TSPAN18: variants seen among roughly 807,000 people sequenced by gnomAD.
TSPAN18 encodes the protein tetraspanin-18.
A neutral mutation model predicts 27.3 loss-of-function variants in TSPAN18; 14 were observed. The ratio of observed to expected loss-of-function variants is 0.51; its 90% CI spans 0.34 to 0.80. TSPAN18 has a LOEUF of 0.80. Ranked by LOEUF, TSPAN18 falls within the 30% of genes least tolerant of loss-of-function variation. The pLI is 0.01. For missense variants in TSPAN18, 268 were observed against 323.9 expected (o/e 0.83, Z 1.32); for synonymous variants, 143 against 136.5 (o/e 1.05, Z -0.33).
At chr11:44,731,023 T>C (rs1854642140) in intron 1 of TSPAN18, among the ~76,000 whole-genome samples, 2 of 152,264 alleles carry the variant, frequency 1.3e-5, no homozygotes, top group African/African-American at 4.8e-5. Context: ...TGTCTTAAGA[T>C]TCAGCTCTTG....
chr11:44,827,599 G>A (rs780438310), intron 2 of TSPAN18, among the ~76,000 whole-genome samples: 5 of 152,204 alleles, frequency 3.3e-5, no homozygotes, highest in African/African-American at 4.8e-5. Flanking sequence ...GGACCTGGCT[G>A]GAATAAAGCC....
chr11:44,881,479 A>G (rs1242916514), intron 3 of TSPAN18, among the ~76,000 whole-genome samples: 1 of 152,266 alleles, frequency 6.6e-6, no homozygotes, highest in East Asian at 1.9e-4. Flanking sequence ...AAGAACTCCA[A>G]CATCCCTATT....
intron 2 of TSPAN18, among the ~76,000 whole-genome samples, chr11:44,766,567 C>T (rs1855572050): frequency 6.6e-6 from 1 of 152,180 alleles, no homozygotes; most frequent in Non-Finnish European, 1.5e-5. Flanking sequence ...GGGCCTCAAG[C>T]CTCGGTGTAT....
At chr11:44,906,029 GCAA>G (rs760843650) in intron 3 of TSPAN18, among the ~76,000 whole-genome samples, 25 of 152,222 alleles carry the variant, frequency 1.6e-4, no homozygotes, top group Non-Finnish European at 1.3e-4. Flanking sequence ...CTGCAGTAGA[GCAA>G]CAACGTGAAG....
intron 2 of TSPAN18, among the ~76,000 whole-genome samples, chr11:44,826,484 A>G (rs963624926): frequency 6.6e-6 from 1 of 152,174 alleles, no homozygotes; most frequent in African/African-American, 2.4e-5. Flanking sequence ...ATATTTTTGG[A>G]TCATCGTCTG....
chr11:44,927,286 A>G (rs1225995185), intron 9 of TSPAN18, among the ~76,000 whole-genome samples: 1 of 152,198 alleles, frequency 6.6e-6, no homozygotes, highest in African/African-American at 2.4e-5. Flanking sequence ...CGCCTCAGCC[A>G]AAGGGAGGAG....
At chr11:44,792,430 G>A (rs1368120779) in intron 2 of TSPAN18, among the ~76,000 whole-genome samples, 1 of 152,184 alleles carries the variant, frequency 6.6e-6, no homozygotes, top group African/African-American at 2.4e-5. Context: ...GGTGAGCGGG[G>A]GTGGCCAGGG....
chr11:44,907,179 G>A (rs1248906348), intron 4 of TSPAN18, among the ~76,000 whole-genome samples: 1 of 152,156 alleles, frequency 6.6e-6, no homozygotes, highest in Non-Finnish European at 1.5e-5. Flanking sequence ...CCCACCTGCT[G>A]GCGGCCCACC....
At chr11:44,749,679 C>T (rs1855165091) in intron 1 of TSPAN18, among the ~76,000 whole-genome samples, 1 of 144,172 alleles carries the variant, frequency 6.9e-6, no homozygotes, top group South Asian at 2.1e-4. Context: ...CTCTGTTGCC[C>T]AGGCTGGAGT....
intron 5 of TSPAN18, among the ~76,000 whole-genome samples, chr11:44,911,578 C>G (rs2135344445): frequency 6.6e-6 from 1 of 152,240 alleles, no homozygotes; most frequent in East Asian, 1.9e-4. Context: ...CCCGAGGGGA[C>G]TTTAAAAGGA....
intron 3 of TSPAN18, among the ~76,000 whole-genome samples, chr11:44,898,338 G>C (rs1242019428): frequency 1.3e-5 from 2 of 152,160 alleles, no homozygotes; most frequent in Non-Finnish European, 2.9e-5. Context: ...AGGGTATTGG[G>C]CTAGATCGTG....
chr11:44,789,675 C>T (rs547213425), intron 2 of TSPAN18, among the ~76,000 whole-genome samples: 6 of 152,080 alleles, frequency 3.9e-5, no homozygotes, highest in Non-Finnish European at 8.8e-5. Flanking sequence ...GAATTGCGGG[C>T]CTGATACCCA....
intron 8 of TSPAN18, among the ~76,000 whole-genome samples, chr11:44,926,166 C>A (rs1860345447): frequency 6.6e-6 from 1 of 152,256 alleles, no homozygotes; most frequent in Admixed American, 6.5e-5. Flanking sequence ...AACCAAAACA[C>A]CTTCTGCAGC....
rs1278370645 is a variant in TSPAN18, at chr11:44,931,844, CTTTG to C, written c.*2670_*2673del. ...GGGGGAGGGGTGGGCAGGGATACCT[CTTTG>C]TTTCTTTTCACCCCGAAATACAACA... On this transcript the variant is annotated 3_prime_UTR_variant, in exon 10 of 10. Coordinates refer to ENST00000520358, the MANE Select transcript of TSPAN18 (RefSeq NM_130783.5). 2 of 152,172 alleles carry C rather than the reference CTTTG, an allele frequency of 1.3e-5. No homozygotes were observed. Among genetic ancestry groups the C allele is most frequent in the Non-Finnish European group, 2.9e-5 (2 of 68,066 alleles). 9.4% of individuals were successfully genotyped at this position (152,172 alleles called of 1,614,324 possible).
chr11:44,777,442 C>A (rs1855838314), intron 2 of TSPAN18, among the ~76,000 whole-genome samples: 1 of 152,178 alleles, frequency 6.6e-6, no homozygotes, highest in African/African-American at 2.4e-5. Context: ...TTATGCCAAG[C>A]TGCTGCCTTG....
At chr11:44,834,805 A>C (rs1857230802) in intron 2 of TSPAN18, among the ~76,000 whole-genome samples, 1 of 152,230 alleles carries the variant, frequency 6.6e-6, no homozygotes, top group Non-Finnish European at 1.5e-5. Flanking sequence ...CCCTAGAAGT[A>C]GACACCAAGG....
At chr11:44,846,314 G>A (rs966209755) in intron 2 of TSPAN18, among the ~76,000 whole-genome samples, 40 of 152,284 alleles carry the variant, frequency 2.6e-4, no homozygotes, top group African/African-American at 8.7e-4. Context: ...CATTCCCACC[G>A]CCTCAACATA....
intron 2 of TSPAN18, among the ~76,000 whole-genome samples, chr11:44,859,964 G>A (rs1044473798): frequency 6.6e-6 from 1 of 152,150 alleles, no homozygotes; most frequent in African/African-American, 2.4e-5. Flanking sequence ...TGGACTCATG[G>A]ACTTGCCTTG....
chr11:44,905,011 G>A (rs2135322553), intron 3 of TSPAN18, among the ~76,000 whole-genome samples: 1 of 152,102 alleles, frequency 6.6e-6, no homozygotes, highest in South Asian at 2.1e-4. Context: ...CAAAACCCTG[G>A]GCACAGTGCT....
Sources: allele counts gnomAD v4.1 joint callset (sites outside exome capture counted in the v4.1 genomes callset), GRCh38; gene constraint gnomAD v4.1.1; transcripts MANE v1.5; gene names NCBI Gene and HGNC (gene_info 2026-07-23, HGNC 2026-07-21).